AHRR: variants seen among roughly 807,000 people sequenced by gnomAD.
AHRR encodes the protein aryl hydrocarbon receptor repressor.
AHRR carries 28 observed loss-of-function variants against 44.0 expected under a neutral mutation model. The observed-to-expected ratio is 0.64, with a 90% CI of 0.47 to 0.87. The LOEUF is 0.87. Ranked by LOEUF, AHRR falls within the 40% of genes least tolerant of loss-of-function variation. AHRR has a pLI of 0.00. For synonymous variants in AHRR, 434 were observed against 407.0 expected (o/e 1.07, Z -0.80); for missense variants, 990 against 953.9 (o/e 1.04, Z -0.50).
Position 427,723 on chromosome 5 carries a change from T to C in AHRR, c.709-84T>C, listed in dbSNP as rs567671256. The C allele has an allele frequency of 7.4e-6, 12 of 1,613,812 alleles. No homozygotes were observed. In the East Asian group the frequency reaches 2.0e-4, roughly 27 times the overall value. Reference sequence around the variant, plus strand: ...GCCTCCCTACGAATTCCAGCCGCTGTCGCGCCCTTGAGTTCTGTGTCCTGT... The same window carrying C: ...GCCTCCCTACGAATTCCAGCCGCTGCCGCGCCCTTGAGTTCTGTGTCCTGT... On this transcript the variant is annotated intron_variant, in intron 7 of 10. Transcript: ENST00000684583.
In AHRR at chr5:435,474, G is replaced by A. The variant is rs550393642; in HGVS notation, c.*640G>A. On this transcript the variant is annotated 3_prime_UTR_variant, in exon 11 of 11. Transcript: ENST00000684583. ...CCAGGCAGCAGAGGCTGGCAGCGTG[G>A]GTCCCACACTGCCCCACACCGTGCG... 3.3e-5 allele frequency: 5 copies of A among 153,150 alleles called. No individual in the cohort carries two copies. The highest frequency in any genetic ancestry group is 1.9e-4 in the East Asian group (1 of 5,318). The allele number at this position is 153,150 out of a possible 1,614,324, so 9.5% of individuals were successfully genotyped here. A position where few individuals can be genotyped will look rare whatever the true frequency, so the allele number is the denominator to read the frequency against.
intron 5 of AHRR, 197 bp from the exon 6 acceptor site, chr5:422,532 C>T (rs1050761488): frequency 1.1e-4 from 72 of 676,126 alleles, no homozygotes; most frequent in Admixed American, 1.8e-4. Flanking sequence ...TGGGCGGGTG[C>T]TCCAGGCAAC....
chr5:427,985 C>T lies in AHRR; in HGVS notation c.887C>T (p.Thr296Ile). ...ALLRAKPRAD[T>I]AATADAKVKA... Reference sequence around the variant, plus strand: ...CTGAGGGCAAAACCCAGAGCAGACACCGCAGCCACCGCGGATGCAAAGTGA... The same window carrying T: ...CTGAGGGCAAAACCCAGAGCAGACATCGCAGCCACCGCGGATGCAAAGTGA... Residue 296 changes from threonine (T) to isoleucine (I), a missense_variant, in exon 8 of 11, where the codon ACC becomes ATC. Coordinates refer to ENST00000684583, the MANE Select transcript of AHRR (RefSeq NM_001377236.1). 6.2e-7 allele frequency: 1 copy of T among 1,613,932 alleles called. No homozygotes were observed. The highest frequency in any genetic ancestry group is 1.3e-5 in the African/African-American group (1 of 75,066).
At chr5:429,984 C>T (rs1579712767) in intron 8 of AHRR, among the ~76,000 whole-genome samples, 1 of 152,230 alleles carries the variant, frequency 6.6e-6, no homozygotes, top group East Asian at 1.9e-4. Context: ...CGATGCTCCT[C>T]CTCTGTGCAT....
chr5:337,453 A>G lies in AHRR; in HGVS notation c.-10-6440A>G, dbSNP rs1341369963. 6.6e-6 allele frequency among the ~76,000 whole-genome samples: 1 copy of G among 152,110 alleles called. No homozygotes were observed. ...GAGTGCAGTGGTGTGATCTGGGCTC[A>G]CTGCAGCCTTGACCTCCCAGGCTCA... is the stretch of plus-strand genomic sequence containing the variant. On this transcript the variant is annotated intron_variant, in intron 1 of 10. Transcript: ENST00000684583. The surrounding 1 kb of genome is among the most constrained non-coding windows in gnomAD (Gnocchi z 4.1).
At chr5:410,263 C>G (rs1020053596) in intron 4 of AHRR, among the ~76,000 whole-genome samples, 1 of 152,184 alleles carries the variant, frequency 6.6e-6, no homozygotes, top group African/African-American at 2.4e-5. Context: ...GTGGCGTGAT[C>G]TCAACTCACT....
At chr5:424,107 C>G in intron 7 of AHRR, 130 bp downstream of exon 7, 2 of 1,280,610 alleles carry the variant, frequency 1.6e-6, no homozygotes, top group Non-Finnish European at 2.1e-6. Context: ...GGACGGGGGC[C>G]GGTGCTGAGC....
chr5:427,884 G>A lies in AHRR; in HGVS notation c.786G>A (p.Pro262=), dbSNP rs769858803. Residue 262 remains proline, a synonymous_variant, in exon 8 of 11, where the codon CCG becomes CCA. Coordinates refer to ENST00000684583, the MANE Select transcript of AHRR (RefSeq NM_001377236.1). ...CGCCGTCAGGAGCCATGCTCCCGCC[G>A]CGGCTGTCGCTGTTCTGCATTGCGG... is the stretch of plus-strand genomic sequence containing the variant. ...KKAPSGAMLP[P]RLSLFCIAAP... The A allele has an allele frequency of 1.6e-5, 26 of 1,614,016 alleles. No individual in the cohort carries two copies. The South Asian group carries it at 1.8e-4, about 11-fold the overall frequency.
intron 7 of AHRR, chr5:427,571 G>A: frequency 1.3e-6 from 2 of 1,587,710 alleles, no homozygotes; most frequent in Non-Finnish European, 1.7e-6. Flanking sequence ...CGTCGCCGCG[G>A]CTCCAGAGAA....
intron 3 of AHRR, among the ~76,000 whole-genome samples, chr5:363,543 A>G (rs908023460): frequency 6.6e-6 from 1 of 152,218 alleles, no homozygotes; most frequent in African/African-American, 2.4e-5. Context: ...CACCTGGTCC[A>G]CAGGAAATGT....
At chr5:332,929 CTTTTT>C (rs57937804) in intron 1 of AHRR, among the ~76,000 whole-genome samples, 26 of 132,040 alleles carry the variant, frequency 2.0e-4, no homozygotes, top group Non-Finnish European at 2.0e-4. Context: ...TGACCTTTGT[CTTTTT>C]TTTTTTTTTT....
intron 4 of AHRR, among the ~76,000 whole-genome samples, chr5:402,899 G>C (rs543379211): frequency 6.6e-6 from 1 of 152,320 alleles, no homozygotes; most frequent in African/African-American, 2.4e-5. Flanking sequence ...GCAAACCACG[G>C]ATGAACCTGG....
At chr5:374,300 A>G (rs1161608117) in intron 3 of AHRR, among the ~76,000 whole-genome samples, 1 of 152,048 alleles carries the variant, frequency 6.6e-6, no homozygotes, top group Non-Finnish European at 1.5e-5. Context: ...AGCTGCTGGG[A>G]CACCCGGGGC....
chr5:390,125 C>T (rs906489120), intron 4 of AHRR, among the ~76,000 whole-genome samples: 11 of 152,110 alleles, frequency 7.2e-5, no homozygotes, highest in African/African-American at 1.9e-4. Context: ...GACAGAGGCC[C>T]GGCATCTGTG....
chr5:397,352 ATGT>A (rs1734769834), intron 4 of AHRR, among the ~76,000 whole-genome samples: 1 of 112,736 alleles, frequency 8.9e-6, no homozygotes. Context: ...CTGACCATCC[ATGT>A]TAGCCCCTGA....
At chr5:422,019 C>G (rs1454248549) in intron 5 of AHRR, among the ~76,000 whole-genome samples, 1 of 152,114 alleles carries the variant, frequency 6.6e-6, no homozygotes, top group Non-Finnish European at 1.5e-5. Context: ...GGGTGGCGGG[C>G]CAGGCTCCAG....
At position 435,850 on chromosome 5, in the gene AHRR, G is replaced by T; in HGVS notation, c.*1016G>T. 6.5e-6 allele frequency: 1 copy of T among 152,846 alleles called. No homozygotes were observed. The allele number at this position is 152,846 out of a possible 1,614,324, so 9.5% of individuals were successfully genotyped here. ...TAATAGCATTAAAACAGTTGTAAAG[G>T]CGATATTTTCTGAGAGTAGGAAATT... On this transcript the variant is annotated 3_prime_UTR_variant, in exon 11 of 11. Coordinates refer to ENST00000684583, the MANE Select transcript of AHRR (RefSeq NM_001377236.1).
rs995954199 is a variant in AHRR at position 342,616 on chromosome 5, G to A, written c.-10-1277G>A. ...TCCACACAAGGTGGATATTGCGTGA[G>A]TCTGCCTCCTCTTCCAGGCTACACT... On this transcript the variant is annotated intron_variant, in intron 1 of 10. Coordinates refer to ENST00000684583, the MANE Select transcript of AHRR (RefSeq NM_001377236.1). This position sits in a 1 kb window ranked among gnomAD's most constrained non-coding sequence, Gnocchi z 4.3. Among the ~76,000 whole-genome samples the A allele has an allele frequency of 2.0e-5, 3 of 152,222 alleles. No individual in the cohort carries two copies. Among genetic ancestry groups the A allele is most frequent in the Admixed American group, 1.3e-4 (2 of 15,286 alleles).
chr5:352,654 C>T (rs1345918169), intron 2 of AHRR, among the ~76,000 whole-genome samples: 45 of 76,924 alleles, frequency 5.8e-4, no homozygotes, highest in African/African-American at 1.1e-3. Flanking sequence ...CTGTAGGGGA[C>T]GGTCACTGTG....
Sources: allele counts gnomAD v4.1 joint callset (sites outside exome capture counted in the v4.1 genomes callset), GRCh38; gene constraint gnomAD v4.1.1; non-coding constraint Gnocchi (gnomAD v3.1); transcripts MANE v1.5; gene names NCBI Gene and HGNC (gene_info 2026-07-23, HGNC 2026-07-21).